LRP8: variants seen among roughly 807,000 people sequenced by gnomAD.
LRP8 encodes LDL receptor related protein 8, also known as low-density lipoprotein receptor-related protein 8.
Under a neutral mutation model 111.6 loss-of-function variants are expected in LRP8, and 46 were observed. The ratio of observed to expected loss-of-function variants is 0.41; its 90% CI spans 0.33 to 0.53. The LOEUF (loss-of-function observed/expected upper bound fraction) is 0.53, where lower values mean the gene tolerates loss of function less well. Ranked by LOEUF, LRP8 falls within the 20% of genes least tolerant of loss-of-function variation. The pLI is 0.20. For synonymous variants in LRP8, 464 were observed against 511.2 expected (o/e 0.91, Z 1.24); for missense variants, 959 against 1,297.4 (o/e 0.74, Z 4.01).
At chr1:53,290,073 A>G (rs557698732) in intron 2 of LRP8, among the ~76,000 whole-genome samples, 11 of 151,270 alleles carry the variant, frequency 7.3e-5, no homozygotes, top group African/African-American at 2.4e-4. Flanking sequence ...ACTTTCCCCA[A>G]CTGGACTGGA....
chr1:53,316,568 A>T (rs1030197853), intron 2 of LRP8, among the ~76,000 whole-genome samples: 1 of 152,172 alleles, frequency 6.6e-6, no homozygotes, highest in Non-Finnish European at 1.5e-5. Flanking sequence ...GCCTCAGAGA[A>T]CAGGGCCAGC....
chr1:53,299,058 C>T (rs540871964), intron 2 of LRP8, among the ~76,000 whole-genome samples: 5 of 152,306 alleles, frequency 3.3e-5, no homozygotes, highest in Admixed American at 6.5e-5. Flanking sequence ...GGAGGCCAGG[C>T]CCGAGGGATT....
Position 53,266,476 on chromosome 1 carries a change from T to C in LRP8, c.1424A>G (p.Tyr475Cys). The C allele has an allele frequency of 6.2e-7, 1 of 1,614,136 alleles. No individual in the cohort carries two copies. Among genetic ancestry groups the C allele is most frequent in the East Asian group, 2.2e-5 (1 of 44,888 alleles). ...YWCDLSYRKI[Y>C]SAYMDKASDP... ...TGCAGAGGATATGGCCGCTCACCTATAGATCTTACGGTAGGAGAGGTCACA... is the reference window on the plus strand; with the variant it reads ...TGCAGAGGATATGGCCGCTCACCTACAGATCTTACGGTAGGAGAGGTCACA... Residue 475 changes from tyrosine (Y) to cysteine (C), a missense_variant, in exon 9 of 19, where the codon TAT becomes TGT. Physicochemically the swap from Tyr to Cys is radical, Grantham distance 194. Coordinates refer to ENST00000306052, the MANE Select transcript of LRP8 (RefSeq NM_004631.5). The surrounding 1 kb of genome is among the most constrained non-coding windows in gnomAD (Gnocchi z 5.0).
At chr1:53,325,776 G>A (rs1368078721) in intron 2 of LRP8, among the ~76,000 whole-genome samples, 1 of 152,196 alleles carries the variant, frequency 6.6e-6, no homozygotes, top group Non-Finnish European at 1.5e-5. Flanking sequence ...CTCAGACCCC[G>A]TCAGTGCTCC....
At chr1:53,280,801 T>C (rs2297658) in intron 3 of LRP8, 86 bp from the exon 4 acceptor site, 206,684 of 1,549,814 alleles carry the variant, frequency 0.13, 18,232 homozygotes, top group African/African-American at 0.42. Flanking sequence ...GTTCCAGCCA[T>C]CTGGTCCAAG....
chr1:53,249,351 C>T lies in LRP8; in HGVS notation c.2853+29G>A, dbSNP rs1572414606. On this transcript the variant is annotated intron_variant, in intron 18 of 18. Transcript: ENST00000306052. This position sits in a 1 kb window ranked among gnomAD's most constrained non-coding sequence, Gnocchi z 4.1. ...TTGGTTCATGCCCTCACTCACCAGCCCCTCAGACTTAGAGTGGCACTGCCC... is the reference window on the plus strand; with the variant it reads ...TTGGTTCATGCCCTCACTCACCAGCTCCTCAGACTTAGAGTGGCACTGCCC... 1 of 1,608,126 alleles carries T rather than the reference C, an allele frequency of 6.2e-7. No homozygotes were observed. Among genetic ancestry groups the T allele is most frequent in the Middle Eastern group, 1.7e-4 (1 of 6,028 alleles).
At chr1:53,251,070 T>G (rs1304312924) in intron 16 of LRP8, among the ~76,000 whole-genome samples, 3 of 152,234 alleles carry the variant, frequency 2.0e-5, no homozygotes, top group Non-Finnish European at 4.4e-5. Context: ...TGTTCAAATG[T>G]GAAGTCTTCC....
intron 3 of LRP8, among the ~76,000 whole-genome samples, chr1:53,288,642 T>C (rs1205348784): frequency 6.6e-6 from 1 of 151,964 alleles, no homozygotes; most frequent in African/African-American, 2.4e-5. Flanking sequence ...GGGACTCCGG[T>C]CTCCATTGTC....
At chr1:53,305,200 C>T (rs2100506695) in intron 2 of LRP8, 1 of 152,372 alleles carries the variant, frequency 6.6e-6, no homozygotes, top group South Asian at 2.1e-4. Flanking sequence ...GCCTTTGTCC[C>T]TTACTAGCTA....
chr1:53,275,880 C>T lies in LRP8; in HGVS notation c.884-127G>A, dbSNP rs1646901685. The T allele has an allele frequency of 1.7e-6, 2 of 1,195,774 alleles. No individual in the cohort carries two copies. The highest frequency in any genetic ancestry group is 3.0e-5 in the African/African-American group (2 of 65,902). 74.1% of individuals were successfully genotyped at this position (1,195,774 alleles called of 1,614,324 possible). A position where few individuals can be genotyped will look rare whatever the true frequency, so the allele number is the denominator to read the frequency against. On this transcript the variant is annotated intron_variant, in intron 5 of 18. Coordinates refer to ENST00000306052, the MANE Select transcript of LRP8 (RefSeq NM_004631.5). This position sits in a 1 kb window ranked among gnomAD's most constrained non-coding sequence, Gnocchi z 4.4. ...AGAACCAGTGGCTGAACTCAGGAGT[C>T]CTCAAAGGACACCTGGCCAAGGCAC...
chr1:53,284,239 C>CGGGCCACTTACCTACTACATACCT lies in LRP8; in HGVS notation c.368-3525_368-3524insAGGTATGTAGTAGGTAAGTGGCCC, dbSNP rs1557801584. On this transcript the variant is annotated intron_variant, in intron 3 of 18. Coordinates refer to ENST00000306052, the MANE Select transcript of LRP8 (RefSeq NM_004631.5). ...CCGGGCCACTTACCTACTACATACC[C>CGGGCCACTTACCTACTACATACCT]GGGCCACTTACTTACTACATACCCG... Among the ~76,000 whole-genome samples the CGGGCCACTTACCTACTACATACCT allele has an allele frequency of 3.8e-4, 57 of 148,322 alleles. No individual in the cohort carries two copies. In the South Asian group the frequency reaches 4.0e-3, roughly 10 times the overall value.
chr1:53,289,747 C>T (rs1406007403), intron 2 of LRP8, 58 bp from the exon 3 acceptor site: 16 of 1,599,784 alleles, frequency 1.0e-5, no homozygotes, highest in Middle Eastern at 1.8e-4. Flanking sequence ...GGTGGTGGGC[C>T]GACCAGGATG....
chr1:53,274,435 G>A (rs897896677), intron 6 of LRP8, among the ~76,000 whole-genome samples: 2 of 152,256 alleles, frequency 1.3e-5, no homozygotes, highest in Non-Finnish European at 2.9e-5. Context: ...AACGGGGAAG[G>A]AATGAGGAAA....
At chr1:53,322,683 G>A (rs1654668322) in intron 2 of LRP8, among the ~76,000 whole-genome samples, 1 of 152,150 alleles carries the variant, frequency 6.6e-6, no homozygotes, top group Non-Finnish European at 1.5e-5. Context: ...TGAAGACGGG[G>A]AGGTTCAGAA....
chr1:53,249,319 G>A lies in LRP8; in HGVS notation c.2853+61C>T, dbSNP rs998840583. 46 of 1,549,278 alleles carry A rather than the reference G, an allele frequency of 3.0e-5. 1 individual carries two copies. In the South Asian group the frequency reaches 3.9e-4, roughly 13 times the overall value. On this transcript the variant is annotated intron_variant, in intron 18 of 18. Transcript: ENST00000306052. The surrounding 1 kb of genome is among the most constrained non-coding windows in gnomAD (Gnocchi z 4.1). ...CAGAAAGCCTTCTAGGATTGGCTGC[G>A]CCTGCCTTGGTTCATGCCCTCACTC... is the stretch of plus-strand genomic sequence containing the variant.
chr1:53,308,358 C>T (rs1490491779), intron 2 of LRP8, among the ~76,000 whole-genome samples: 2 of 152,236 alleles, frequency 1.3e-5, no homozygotes, highest in Non-Finnish European at 1.5e-5. Context: ...CCCAGGTCTC[C>T]TGGGGAGCCC....
Position 53,328,013 on chromosome 1 carries a change from G to GCCC in LRP8, c.-104_-102dup. ...TTGCCGCGGCGCCGGGGTTGCCGCTGCCCCCGCCGCCGCCGCCGCCGCCGC... is the reference window on the plus strand; with the variant it reads ...TTGCCGCGGCGCCGGGGTTGCCGCTGCCCCCCCCGCCGCCGCCGCCGCCGCCGC... On this transcript the variant is annotated 5_prime_UTR_variant, in exon 1 of 19. Transcript: ENST00000306052. 1 of 724,656 alleles carries GCCC rather than the reference G, an allele frequency of 1.4e-6. No homozygotes were observed. Among genetic ancestry groups the GCCC allele is most frequent in the Non-Finnish European group, 1.7e-6 (1 of 594,346 alleles). The allele number at this position is 724,656 out of a possible 1,614,324, so 44.9% of individuals were successfully genotyped here.
At position 53,317,028 on chromosome 1, in the gene LRP8, A is replaced by T. The variant is rs183556339; in HGVS notation, c.244+9845T>A. On this transcript the variant is annotated intron_variant, in intron 2 of 18. Coordinates refer to ENST00000306052, the MANE Select transcript of LRP8 (RefSeq NM_004631.5). This position sits in a 1 kb window ranked among gnomAD's most constrained non-coding sequence, Gnocchi z 4.9. ...TAGCCTCCACGGGTCCAGAATAGTCACCTCCCTCCTGGTACACAGCCCCTC... is the reference window on the plus strand; with the variant it reads ...TAGCCTCCACGGGTCCAGAATAGTCTCCTCCCTCCTGGTACACAGCCCCTC... Among the ~76,000 whole-genome samples, 33 of 151,542 alleles carry T rather than the reference A, an allele frequency of 2.2e-4. No homozygotes were observed. In the East Asian group the frequency reaches 5.8e-3, roughly 27 times the overall value.
chr1:53,286,511 C>T (rs1647577901), intron 3 of LRP8, among the ~76,000 whole-genome samples: 1 of 151,904 alleles, frequency 6.6e-6, no homozygotes, highest in African/African-American at 2.4e-5. Flanking sequence ...CCCCTCCCAA[C>T]AGAAGCCTGA....
Sources: gnomAD v4.1 joint callset for allele counts (sites outside exome capture counted in the v4.1 genomes callset) on GRCh38, gnomAD v4.1.1 for gene constraint, Gnocchi (gnomAD v3.1) non-coding constraint, MANE v1.5 for transcripts, NCBI Gene and HGNC (gene_info 2026-07-23, HGNC 2026-07-21) for gene names.